CLYBL: variants seen among roughly 807,000 people sequenced by gnomAD.
CLYBL encodes citramalyl-CoA lyase, mitochondrial.
A neutral mutation model predicts 38.9 loss-of-function variants in CLYBL; 31 were observed. The ratio of observed to expected loss-of-function variants is 0.80; its 90% CI spans 0.60 to 1.08. CLYBL has a LOEUF of 1.08. Ranked by LOEUF, CLYBL falls within the 50% of genes least tolerant of loss-of-function variation. CLYBL has a pLI of 0.00. For synonymous variants in CLYBL, 171 were observed against 158.6 expected, an observed-to-expected ratio of 1.08 and a Z score of -0.59; for missense variants, 434 against 411.6, an observed-to-expected ratio of 1.05 and a Z score of -0.47.
At chr13:99,861,856 G>A (rs2051612194) in intron 3 of CLYBL, among the ~76,000 whole-genome samples, 1 of 152,170 alleles carries the variant, frequency 6.6e-6, no homozygotes, top group African/African-American at 2.4e-5. Context: ...TCCCGCTTCT[G>A]GTAAATAGGC....
At chr13:99,828,505 T>C (rs2050742372) in intron 2 of CLYBL, among the ~76,000 whole-genome samples, 1 of 152,218 alleles carries the variant, frequency 6.6e-6, no homozygotes, top group African/African-American at 2.4e-5. Context: ...AGTGGCAAAT[T>C]ATTTGGGTGT....
downstream of CLYBL, chr13:99,894,696 T>C (rs550437937): frequency 8.4e-6 from 1 of 118,460 alleles, no homozygotes; most frequent in African/African-American, 3.2e-5. Flanking sequence ...AGGACCCGTG[T>C]GGTGTAGATT....
intron 2 of CLYBL, among the ~76,000 whole-genome samples, chr13:99,802,031 C>CA (rs1458745047): frequency 1.3e-5 from 2 of 151,966 alleles, no homozygotes; most frequent in Non-Finnish European, 1.5e-5. Flanking sequence ...AACAAAAAAA[C>CA]AAAAAAACAC....
At chr13:99,639,863 C>G (rs1322464051) in intron 1 of CLYBL, among the ~76,000 whole-genome samples, 2 of 152,146 alleles carry the variant, frequency 1.3e-5, no homozygotes, top group African/African-American at 4.8e-5. Context: ...TACCAGTGCA[C>G]TCTAGCCTGG....
At chr13:99,842,956 C>G (rs529935654) in intron 2 of CLYBL, among the ~76,000 whole-genome samples, 2 of 152,016 alleles carry the variant, frequency 1.3e-5, no homozygotes, top group Non-Finnish European at 2.9e-5. Flanking sequence ...TTTAACCTAA[C>G]ATTTATTAAC....
chr13:99,801,892 T>G (rs2138944835), intron 2 of CLYBL, among the ~76,000 whole-genome samples: 1 of 152,256 alleles, frequency 6.6e-6, no homozygotes, highest in South Asian at 2.1e-4. Context: ...GGCGCATGCC[T>G]GTAATCCCAG....
rs181748112 is a variant in CLYBL at position 99,731,460 on chromosome 13, T to G, written c.63-41364T>G. Among the ~76,000 whole-genome samples the G allele has an allele frequency of 2.0e-5, 3 of 149,440 alleles. No individual in the cohort carries two copies. In the East Asian group the frequency reaches 5.9e-4, roughly 29 times the overall value. ...ATCAGCCTAAGTAACATAGCAAGAC[T>G]CTGTCTCTACAAAAATAAATAAAAG... On this transcript the variant is annotated intron_variant, in intron 1 of 8. Coordinates refer to ENST00000339105, the MANE Select transcript of CLYBL (RefSeq NM_206808.5).
At chr13:99,835,167 G>A (rs1329904219) in intron 2 of CLYBL, among the ~76,000 whole-genome samples, 2 of 152,172 alleles carry the variant, frequency 1.3e-5, no homozygotes, top group African/African-American at 4.8e-5. Flanking sequence ...CTCTATGAGC[G>A]GCTGATTCAT....
intron 1 of CLYBL, among the ~76,000 whole-genome samples, chr13:99,679,065 C>A (rs536214367): frequency 6.6e-6 from 1 of 152,008 alleles, no homozygotes; most frequent in Non-Finnish European, 1.5e-5. Flanking sequence ...GAGGCCGAGG[C>A]GGGCAGATCA....
intron 1 of CLYBL, among the ~76,000 whole-genome samples, chr13:99,615,674 G>C (rs1337160746): frequency 9.2e-5 from 14 of 152,148 alleles, no homozygotes; most frequent in Non-Finnish European, 2.1e-4. Flanking sequence ...TTTATTTCAT[G>C]TTGCTACTTG....
At chr13:99,669,664 C>T (rs1374839712) in intron 1 of CLYBL, among the ~76,000 whole-genome samples, 2 of 152,030 alleles carry the variant, frequency 1.3e-5, no homozygotes, top group East Asian at 3.8e-4. Context: ...TTTTTCATTT[C>T]CCATGAAGAT....
intron 1 of CLYBL, among the ~76,000 whole-genome samples, chr13:99,648,751 G>A (rs2047211256): frequency 1.3e-5 from 2 of 151,958 alleles, no homozygotes; most frequent in African/African-American, 4.8e-5. Flanking sequence ...CTCCTTTCTT[G>A]AACTGATAAT....
chr13:99,626,402 C>T (rs542727119), intron 1 of CLYBL, among the ~76,000 whole-genome samples: 204 of 152,334 alleles, frequency 1.3e-3, no homozygotes, highest in Middle Eastern at 3.4e-3. Context: ...AGATTTACAT[C>T]CTATTGGCAA....
At position 99,865,600 on chromosome 13, in the gene CLYBL, G is replaced by A. The variant is rs1445315414; in HGVS notation, c.635-640G>A. On this transcript the variant is annotated intron_variant, in intron 5 of 8. Coordinates refer to ENST00000339105, the MANE Select transcript of CLYBL (RefSeq NM_206808.5). This position sits in a 1 kb window ranked among gnomAD's most constrained non-coding sequence, Gnocchi z 4.7. ...GTGGCATGTTCCAAATGTAAACAGGGACACTTCCCTCCCCTCAGGGTGAAA... is the reference window on the plus strand; with the variant it reads ...GTGGCATGTTCCAAATGTAAACAGGAACACTTCCCTCCCCTCAGGGTGAAA... 6.6e-6 allele frequency among the ~76,000 whole-genome samples: 1 copy of A among 152,096 alleles called. No homozygotes were observed. Among genetic ancestry groups the A allele is most frequent in the Non-Finnish European group, 1.5e-5 (1 of 68,026 alleles).
chr13:99,657,250 T>C (rs1451042935), intron 1 of CLYBL, among the ~76,000 whole-genome samples: 1 of 152,238 alleles, frequency 6.6e-6, no homozygotes, highest in African/African-American at 2.4e-5. Flanking sequence ...AAAAGGATCT[T>C]GTATTTCTGC....
downstream of CLYBL, among the ~76,000 whole-genome samples, chr13:99,898,153 A>C (rs1206229674): frequency 2.6e-5 from 4 of 152,216 alleles, no homozygotes; most frequent in Non-Finnish European, 5.9e-5. Flanking sequence ...CAGTGACAAG[A>C]AACTGGATTT....
chr13:99,906,193 G>T (rs114400940), intron 9 of CLYBL, among the ~76,000 whole-genome samples: 1,578 of 152,276 alleles, frequency 0.01, 31 homozygotes, highest in African/African-American at 0.036. Context: ...ATGAGCACCT[G>T]TCACTGTGAT....
chr13:99,818,035 AG>A (rs1445179358), intron 2 of CLYBL, among the ~76,000 whole-genome samples: 1 of 149,280 alleles, frequency 6.7e-6, no homozygotes, highest in Non-Finnish European at 1.5e-5. Flanking sequence ...GAAGGAAGGA[AG>A]GGAGGGAGGG....
intron 1 of CLYBL, among the ~76,000 whole-genome samples, chr13:99,612,719 A>G (rs1263547450): frequency 1.3e-5 from 2 of 152,004 alleles, no homozygotes; most frequent in African/African-American, 4.8e-5. Flanking sequence ...AGCACTCAGT[A>G]ATTACTTTAC....
Sources: gnomAD v4.1 joint callset for allele counts (sites outside exome capture counted in the v4.1 genomes callset) on GRCh38, gnomAD v4.1.1 for gene constraint, Gnocchi (gnomAD v3.1) non-coding constraint, MANE v1.5 for transcripts, NCBI Gene and HGNC (gene_info 2026-07-23, HGNC 2026-07-21) for gene names.